Variants in PTPRN2 observed in about 807,000 individuals in gnomAD.
PTPRN2 encodes receptor-type tyrosine-protein phosphatase N2.
A neutral mutation model predicts 118.8 loss-of-function variants in PTPRN2; 74 were observed. That is an observed-to-expected ratio of 0.62 (90% confidence interval 0.52 to 0.76). The LOEUF is 0.76. Ranked by LOEUF, PTPRN2 falls within the 30% of genes least tolerant of loss-of-function variation. The probability of loss-of-function intolerance (pLI) is 0.00; values close to 1 mark genes in which losing one functional copy is unlikely to be tolerated. For missense variants in PTPRN2, 1,481 were observed against 1,394.4 expected (o/e 1.06, Z -0.99); for synonymous variants, 641 against 608.0 (o/e 1.05, Z -0.80).
At chr7:158,239,558 G>A (rs2150850170) in intron 3 of PTPRN2, among the ~76,000 whole-genome samples, 1 of 152,294 alleles carries the variant, frequency 6.6e-6, no homozygotes, top group African/African-American at 2.4e-5. Flanking sequence ...TGGGGACGTG[G>A]CTTTGTCTGC....
In PTPRN2 at chr7:157,881,993, A is replaced by C. The variant is rs1796156711; in HGVS notation, c.1788+16680T>G. ...CATCAGAACATGCCACCCCAAAAAC[A>C]ACTGTCGAAGAACAGAACATGCTGC... is the stretch of plus-strand genomic sequence containing the variant. On this transcript the variant is annotated intron_variant, in intron 12 of 22. Transcript: ENST00000389418. This position sits in a 1 kb window ranked among gnomAD's most constrained non-coding sequence, Gnocchi z 4.7. Among the ~76,000 whole-genome samples, 1 of 150,764 alleles carries C rather than the reference A, an allele frequency of 6.6e-6. No homozygotes were observed. Among genetic ancestry groups the C allele is most frequent in the Non-Finnish European group, 1.5e-5 (1 of 67,634 alleles).
rs983233298 is a variant in PTPRN2, at chr7:158,529,042, C to T, written c.113-39257G>A. On this transcript the variant is annotated intron_variant, in intron 1 of 22. Transcript: ENST00000389418. This position sits in a 1 kb window ranked among gnomAD's most constrained non-coding sequence, Gnocchi z 4.7. ...AGCCCACCAAGGGGCTTTGGGATCA[C>T]ACAGCCAGGGGCAAATCTCAGCTCT... is the stretch of plus-strand genomic sequence containing the variant. Among the ~76,000 whole-genome samples, 1 of 151,180 alleles carries T rather than the reference C, an allele frequency of 6.6e-6. No individual in the cohort carries two copies. The highest frequency in any genetic ancestry group is 1.5e-5 in the Non-Finnish European group (1 of 68,032).
chr7:158,281,591 G>A (rs900786038), intron 3 of PTPRN2, among the ~76,000 whole-genome samples: 5 of 152,332 alleles, frequency 3.3e-5, no homozygotes, highest in East Asian at 1.9e-4. Context: ...TGTGGTGTGC[G>A]TGGTGCCCTG....
rs1435451602 is a variant in PTPRN2, at chr7:158,509,214, C to T, written c.113-19429G>A. 6.6e-6 allele frequency among the ~76,000 whole-genome samples: 1 copy of T among 152,178 alleles called. No individual in the cohort carries two copies. The highest frequency in any genetic ancestry group is 2.4e-5 in the African/African-American group (1 of 41,440). On this transcript the variant is annotated intron_variant, in intron 1 of 22. Coordinates refer to ENST00000389418, the MANE Select transcript of PTPRN2 (RefSeq NM_002847.5). This position sits in a 1 kb window ranked among gnomAD's most constrained non-coding sequence, Gnocchi z 4.4. ...GGCGGGACCAGTGGACAGGCTGCAG[C>T]TCACAGGGTCCTTGCTCAAAGGCGG...
intron 5 of PTPRN2, among the ~76,000 whole-genome samples, chr7:158,181,130 T>G (rs1418437354): frequency 1.3e-5 from 2 of 152,196 alleles, no homozygotes; most frequent in Non-Finnish European, 2.9e-5. Context: ...GCCGAGTTTG[T>G]TGAGAGTTTT....
At chr7:158,314,804 G>A (rs1219567606) in intron 3 of PTPRN2, among the ~76,000 whole-genome samples, 2 of 152,280 alleles carry the variant, frequency 1.3e-5, no homozygotes, top group Non-Finnish European at 2.9e-5. Context: ...GACACGTGTA[G>A]CACTACACAC....
At chr7:157,980,478 A>C (rs544139481) in intron 11 of PTPRN2, among the ~76,000 whole-genome samples, 3 of 152,356 alleles carry the variant, frequency 2.0e-5, no homozygotes, top group African/African-American at 7.2e-5. Flanking sequence ...TTGGCCGGGC[A>C]CGGTGGCTCA....
intron 2 of PTPRN2, among the ~76,000 whole-genome samples, chr7:158,332,065 G>T (rs1215021498): frequency 6.6e-6 from 1 of 150,580 alleles, no homozygotes; most frequent in African/African-American, 2.5e-5. Context: ...GACATCTGCA[G>T]ACGACACTCA....
chr7:158,170,522 T>C (rs571783576), intron 5 of PTPRN2, among the ~76,000 whole-genome samples: 2 of 152,368 alleles, frequency 1.3e-5, no homozygotes, highest in African/African-American at 2.4e-5. Flanking sequence ...GTTTATGTTC[T>C]GAATCAAATT....
At chr7:158,165,048 A>G (rs1382174445) in intron 6 of PTPRN2, among the ~76,000 whole-genome samples, 4 of 135,744 alleles carry the variant, frequency 2.9e-5, no homozygotes, top group Admixed American at 2.4e-4. Context: ...TCTAGTACCC[A>G]CAAGAGGCAG....
At chr7:158,229,297 A>T (rs1349806243) in intron 3 of PTPRN2, among the ~76,000 whole-genome samples, 1 of 152,132 alleles carries the variant, frequency 6.6e-6, no homozygotes, top group Non-Finnish European at 1.5e-5. Context: ...GCCAGGAGAC[A>T]AGACTGGAGT....
chr7:158,396,620 C>G (rs1270661339), intron 2 of PTPRN2, among the ~76,000 whole-genome samples: 2 of 151,520 alleles, frequency 1.3e-5, no homozygotes, highest in African/African-American at 4.9e-5. Context: ...GAAGGGGGCA[C>G]TCAGGGAACT....
At chr7:157,957,929 C>A (rs1801285447) in intron 11 of PTPRN2, among the ~76,000 whole-genome samples, 1 of 152,218 alleles carries the variant, frequency 6.6e-6, no homozygotes, top group Non-Finnish European at 1.5e-5. Flanking sequence ...CAGACAGACA[C>A]TACAAGCAAA....
intron 12 of PTPRN2, among the ~76,000 whole-genome samples, chr7:157,842,994 C>T (rs1808545566): frequency 6.6e-6 from 1 of 152,232 alleles, no homozygotes; most frequent in Non-Finnish European, 1.5e-5. Context: ...CTCCTCCCAT[C>T]TCTAAAGTCA....
chr7:158,183,842 C>T (rs1824920537), intron 5 of PTPRN2, among the ~76,000 whole-genome samples: 1 of 152,124 alleles, frequency 6.6e-6, no homozygotes, highest in Admixed American at 6.6e-5. Flanking sequence ...GTTTTCCTGT[C>T]AAGTTCTGGT....
At chr7:157,985,763 G>C (rs539414796) in intron 11 of PTPRN2, among the ~76,000 whole-genome samples, 39 of 152,322 alleles carry the variant, frequency 2.6e-4, no homozygotes, top group Admixed American at 4.6e-4. Flanking sequence ...ACTCCTGAGG[G>C]AGGTGCACGG....
At chr7:158,274,303 A>G (rs1421793383) in intron 3 of PTPRN2, among the ~76,000 whole-genome samples, 6 of 132,584 alleles carry the variant, frequency 4.5e-5, no homozygotes, top group African/African-American at 1.8e-4. Flanking sequence ...AGGAGGAGAC[A>G]CACAAGGAGC....
At chr7:157,978,913 C>G (rs900911479) in intron 11 of PTPRN2, among the ~76,000 whole-genome samples, 3 of 152,054 alleles carry the variant, frequency 2.0e-5, no homozygotes, top group African/African-American at 7.2e-5. Flanking sequence ...GCCTTCCTGG[C>G]GACTCACAAG....
chr7:157,992,336 C>T (rs752195405), intron 11 of PTPRN2, among the ~76,000 whole-genome samples: 3 of 152,222 alleles, frequency 2.0e-5, no homozygotes, highest in Admixed American at 6.5e-5. Flanking sequence ...CCGAGTCTCT[C>T]GCTCTCCAGG....
Sources: gnomAD v4.1 joint callset for allele counts (sites outside exome capture counted in the v4.1 genomes callset) on GRCh38, gnomAD v4.1.1 for gene constraint, Gnocchi (gnomAD v3.1) non-coding constraint, MANE v1.5 for transcripts, NCBI Gene and HGNC (gene_info 2026-07-23, HGNC 2026-07-21) for gene names.